Variants in PTGER3 observed in about 807,000 individuals in gnomAD.
PTGER3 encodes prostaglandin E receptor 3, also known as prostaglandin E2 receptor EP3 subtype.
Under a neutral mutation model 34.7 loss-of-function variants are expected in PTGER3, and 22 were observed. The ratio of observed to expected loss-of-function variants is 0.63; its 90% confidence interval spans 0.45 to 0.91. PTGER3 has a LOEUF of 0.91. Among genes scored for constraint, PTGER3 ranks in the 40% least tolerant of loss-of-function variants. PTGER3 has a pLI of 0.00. For missense variants in PTGER3, 468 were observed against 519.4 expected (o/e 0.90, Z 0.96); for synonymous variants, 241 against 230.1 (o/e 1.05, Z -0.43).
exon 5 of PTGER3, chr1:70,852,553 A>T: frequency 2.2e-6 from 1 of 453,322 alleles, no homozygotes; most frequent in Non-Finnish European, 3.9e-6. Flanking sequence ...CATAATTTTC[A>T]ATAAAAAAAT....
At chr1:70,988,372 C>A (rs1242310602) in intron 2 of PTGER3, among the ~76,000 whole-genome samples, 3 of 152,170 alleles carry the variant, frequency 2.0e-5, no homozygotes, top group Non-Finnish European at 4.4e-5. Flanking sequence ...TCTACCAGAG[C>A]CCTGATTATG....
intron 4 of PTGER3, among the ~76,000 whole-genome samples, chr1:70,919,220 C>T (rs1053756579): frequency 1.3e-5 from 2 of 152,122 alleles, no homozygotes; most frequent in African/African-American, 4.8e-5. Context: ...GGATCTAACC[C>T]AATCCAAATA....
At chr1:71,020,021 A>C (rs1319247979) in intron 1 of PTGER3, among the ~76,000 whole-genome samples, 4 of 152,212 alleles carry the variant, frequency 2.6e-5, no homozygotes, top group Non-Finnish European at 5.9e-5. Context: ...ATAATTTGAT[A>C]AGTGTATTTC....
At chr1:71,030,890 C>T (rs977275527) in intron 1 of PTGER3, among the ~76,000 whole-genome samples, 1 of 151,558 alleles carries the variant, frequency 6.6e-6, no homozygotes, top group African/African-American at 2.4e-5. Flanking sequence ...ATATTTTCAA[C>T]GAAGTGATTT....
chr1:70,898,380 C>CA (rs1646767512), intron 4 of PTGER3, among the ~76,000 whole-genome samples: 2 of 152,174 alleles, frequency 1.3e-5, no homozygotes, highest in South Asian at 4.1e-4. Flanking sequence ...CTACAGACAT[C>CA]ACTCCTTCTT....
intron 1 of PTGER3, among the ~76,000 whole-genome samples, chr1:71,032,183 C>A (rs199879144): frequency 6.6e-6 from 1 of 152,172 alleles, no homozygotes; most frequent in East Asian, 1.9e-4. Context: ...CTAGTCATCT[C>A]ACTATGGTGT....
intron 2 of PTGER3, chr1:71,007,211 C>T: frequency 1.0e-6 from 1 of 985,584 alleles, no homozygotes; most frequent in Non-Finnish European, 1.2e-6. Context: ...GATTTCAGCT[C>T]CTCCTAGGCA....
At chr1:70,868,207 C>A (rs1335926720) in intron 4 of PTGER3, among the ~76,000 whole-genome samples, 2 of 152,014 alleles carry the variant, frequency 1.3e-5, no homozygotes, top group East Asian at 3.9e-4. Context: ...TCCTATGTCA[C>A]CTTTACAATT....
At chr1:70,994,937 G>A (rs116165353) in intron 2 of PTGER3, among the ~76,000 whole-genome samples, 1 of 152,066 alleles carries the variant, frequency 6.6e-6, no homozygotes, top group African/African-American at 2.4e-5. Flanking sequence ...GAAGTGGGAG[G>A]GACTGGGACA....
intron 4 of PTGER3, among the ~76,000 whole-genome samples, chr1:70,921,632 G>T (rs1316723477): frequency 6.8e-6 from 1 of 146,892 alleles, no homozygotes; most frequent in East Asian, 2.0e-4. Flanking sequence ...TATAAACTTT[G>T]CTGCAGGTCC....
At chr1:70,978,034 A>C (rs190830926) in intron 2 of PTGER3, among the ~76,000 whole-genome samples, 3 of 152,290 alleles carry the variant, frequency 2.0e-5, no homozygotes, top group African/African-American at 7.2e-5. Context: ...TTCACTTGAG[A>C]TATGCAGAAA....
chr1:70,918,162 C>T (rs1419576206), intron 4 of PTGER3, among the ~76,000 whole-genome samples: 4 of 151,962 alleles, frequency 2.6e-5, no homozygotes, highest in African/African-American at 9.7e-5. Flanking sequence ...ATAGTCTGTT[C>T]AATAAATTGT....
At chr1:70,880,885 G>A (rs765658043) in intron 4 of PTGER3, among the ~76,000 whole-genome samples, 2 of 138,360 alleles carry the variant, frequency 1.4e-5, no homozygotes, top group Non-Finnish European at 3.0e-5. Context: ...ATGTGTCTTG[G>A]GGATGGTTGT....
intron 4 of PTGER3, among the ~76,000 whole-genome samples, chr1:70,877,792 A>AT (rs1417933315): frequency 6.6e-6 from 1 of 152,190 alleles, no homozygotes; most frequent in Non-Finnish European, 1.5e-5. Context: ...CATCCCAGGG[A>AT]TAAAGCCTAC....
intron 4 of PTGER3, among the ~76,000 whole-genome samples, chr1:70,915,896 A>C (rs1368409247): frequency 6.6e-6 from 1 of 151,978 alleles, no homozygotes; most frequent in Non-Finnish European, 1.5e-5. Flanking sequence ...AGTGAGACCT[A>C]ATTAAACTAA....
chr1:71,047,265 G>A lies in PTGER3; in HGVS notation c.313C>T (p.Leu105Phe). The A allele has an allele frequency of 6.3e-7, 1 of 1,595,976 alleles. No homozygotes were observed. Among genetic ancestry groups the A allele is most frequent in the African/African-American group, 1.3e-5 (1 of 74,830 alleles). The change falls in exon 1 of 4, where the codon CTC (leucine) becomes TTC (phenylalanine). Residue 105 changes from leucine (L) to phenylalanine (F), a missense_variant. By Grantham distance (22) the Leu-to-Phe change is conservative. Transcript: ENST00000306666. The part of the protein sequence containing the change: ...LALTDLVGQL[L>F]TTPVVIVVYL... ...ACGACGATGACGACCGGGGTGGTGA[G>A]AAGCTGCCCGACCAGGTCGGTGAGC...
At chr1:70,997,585 A>G (rs6678886) in intron 2 of PTGER3, among the ~76,000 whole-genome samples, 28,356 of 152,188 alleles carry the variant, frequency 0.19, 3,182 homozygotes, top group East Asian at 0.44. Flanking sequence ...ATTGGAAAGT[A>G]ATTGCTGTAG....
intron 4 of PTGER3, among the ~76,000 whole-genome samples, chr1:70,945,988 T>C (rs148694416): frequency 1.2e-4 from 19 of 152,224 alleles, no homozygotes; most frequent in African/African-American, 4.6e-4. Flanking sequence ...AAGGGCCTTA[T>C]GCAAAGGAGA....
rs140149289 is a variant in PTGER3, at chr1:71,030,648, G to A, written c.897+16033C>T. ...AAACACTTCCTAAATTGCCGGTATC[G>A]TGGTGAATGGAATCATTTAACAAGT... On this transcript the variant is annotated intron_variant, in intron 1 of 3. Transcript: ENST00000306666. 4.4e-3 allele frequency among the ~76,000 whole-genome samples: 672 copies of A among 152,180 alleles called. 6 individuals are homozygous for A. Among genetic ancestry groups the A allele is most frequent in the African/African-American group, 0.015 (643 of 41,540 alleles).
Sources: allele counts gnomAD v4.1 joint callset (sites outside exome capture counted in the v4.1 genomes callset), GRCh38; gene constraint gnomAD v4.1.1; transcripts MANE v1.5; gene names NCBI Gene and HGNC (gene_info 2026-07-23, HGNC 2026-07-21).